The following KCNIP1 variants were observed in gnomAD, a reference collection of about 807,000 sequenced individuals.
The protein encoded by KCNIP1 is A-type potassium channel modulatory protein KCNIP1.
KCNIP1 carries 18 observed loss-of-function variants against 33.0 expected under a neutral mutation model. The observed-to-expected ratio is 0.55, with a 90% CI of 0.38 to 0.81. The LOEUF (loss-of-function observed/expected upper bound fraction) is 0.81, where lower values mean the gene tolerates loss of function less well. Ranked by LOEUF, KCNIP1 falls within the 30% of genes least tolerant of loss-of-function variation. The pLI, the probability that KCNIP1 is intolerant of heterozygous loss-of-function variation, is 0.00. For missense variants in KCNIP1, 238 were observed against 271.6 expected (o/e 0.88, Z 0.87); for synonymous variants, 93 against 98.3 (o/e 0.95, Z 0.32).
intron 1 of KCNIP1, among the ~76,000 whole-genome samples, chr5:170,582,508 C>T (rs908059306): frequency 6.6e-6 from 1 of 152,188 alleles, no homozygotes; most frequent in East Asian, 1.9e-4. Context: ...TATGTTAGAA[C>T]CTTTCCAGGC....
In KCNIP1 at chr5:170,366,324, C is replaced by T. The variant is rs1167677857; in HGVS notation, c.88+12360C>T. ...GGCTCAACAGAGGAGGTGGAGGAGG[C>T]CTCAGACCTGGATGTCGTGGCAGTC... On this transcript the variant is annotated intron_variant, in intron 1 of 7. Transcript: ENST00000377360. Among the ~76,000 whole-genome samples, 3 of 152,216 alleles carry T rather than the reference C, an allele frequency of 2.0e-5. No individual in the cohort carries two copies. The East Asian group carries it at 5.8e-4, about 29-fold the overall frequency.
intron 1 of KCNIP1, chr5:170,422,797 A>G (rs549669531): frequency 6.6e-6 from 1 of 152,358 alleles, no homozygotes; most frequent in South Asian, 2.1e-4. Flanking sequence ...CCCAAAGGAC[A>G]AAGAGTATGC....
chr5:170,682,086 A>G lies in KCNIP1; in HGVS notation c.62-36672A>G, dbSNP rs574156146. Among the ~76,000 whole-genome samples, 7 of 152,388 alleles carry G rather than the reference A, an allele frequency of 4.6e-5. No individual in the cohort carries two copies. The South Asian group carries it at 1.4e-3, about 32-fold the overall frequency. On this transcript the variant is annotated intron_variant, in intron 1 of 7. Coordinates refer to ENST00000328939, the MANE Select transcript of KCNIP1 (RefSeq NM_014592.4). ...GGGGCACCACATGACAAAACCGTAC[A>G]TAATAATGAAATGCATTTGTAGACA...
At chr5:170,590,350 G>T (rs1050068117) in intron 1 of KCNIP1, among the ~76,000 whole-genome samples, 1 of 152,150 alleles carries the variant, frequency 6.6e-6, no homozygotes, top group Non-Finnish European at 1.5e-5. Flanking sequence ...AGGTCTGGGG[G>T]CCCCATGCTG....
chr5:170,662,781 C>T (rs994191641), intron 1 of KCNIP1, among the ~76,000 whole-genome samples: 1 of 152,248 alleles, frequency 6.6e-6, no homozygotes, highest in Admixed American at 6.5e-5. Context: ...ATCCTCCTTT[C>T]CCTCTGGCCC....
intron 1 of KCNIP1, among the ~76,000 whole-genome samples, chr5:170,547,261 A>T (rs1180695910): frequency 6.6e-6 from 1 of 152,024 alleles, no homozygotes; most frequent in Non-Finnish European, 1.5e-5. Flanking sequence ...CATTATTTCC[A>T]TCTTTGTCTC....
chr5:170,665,377 G>A (rs1159479172), intron 1 of KCNIP1, among the ~76,000 whole-genome samples: 2 of 152,044 alleles, frequency 1.3e-5, no homozygotes, highest in South Asian at 2.1e-4. Context: ...TGGGGGTTAA[G>A]CCATTTCTCC....
chr5:170,564,517 A>C (rs1401942883), intron 1 of KCNIP1, among the ~76,000 whole-genome samples: 1 of 152,178 alleles, frequency 6.6e-6, no homozygotes, highest in Non-Finnish European at 1.5e-5. Context: ...CACAGGAAAA[A>C]CAGCTCAGAT....
chr5:170,558,871 G>A (rs1186659700), intron 1 of KCNIP1, among the ~76,000 whole-genome samples: 1 of 152,140 alleles, frequency 6.6e-6, no homozygotes, highest in Non-Finnish European at 1.5e-5. Context: ...ATTGACATAT[G>A]GGACTATATC....
chr5:170,381,367 G>A (rs1009992436), intron 1 of KCNIP1, among the ~76,000 whole-genome samples: 1 of 152,206 alleles, frequency 6.6e-6, no homozygotes, highest in Non-Finnish European at 1.5e-5. Context: ...ACCTGCTCCA[G>A]GCTAAGACTC....
In KCNIP1 at chr5:170,625,237, C is replaced by T. The variant is rs117439503; in HGVS notation, c.62-93521C>T. On this transcript the variant is annotated intron_variant, in intron 1 of 7. Transcript: ENST00000328939. ...CACAAACCCTTGTGCTCCCACAGGGCACACGTGTGCACACGTGTGCAGCTA... is the reference window on the plus strand; with the variant it reads ...CACAAACCCTTGTGCTCCCACAGGGTACACGTGTGCACACGTGTGCAGCTA... Among the ~76,000 whole-genome samples, 142 of 152,210 alleles carry T rather than the reference C, an allele frequency of 9.3e-4. No individual in the cohort carries two copies. In the East Asian group the frequency reaches 0.016, roughly 17 times the overall value.
intron 1 of KCNIP1, among the ~76,000 whole-genome samples, chr5:170,588,716 C>T (rs1758093095): frequency 6.6e-6 from 1 of 152,128 alleles, no homozygotes; most frequent in African/African-American, 2.4e-5. Flanking sequence ...CAAGGCTTCA[C>T]ATGTGTAGGC....
intron 1 of KCNIP1, among the ~76,000 whole-genome samples, chr5:170,516,618 G>T (rs897982458): frequency 6.6e-6 from 1 of 152,180 alleles, no homozygotes; most frequent in African/African-American, 2.4e-5. Flanking sequence ...ATTGTGGCTT[G>T]GTGTGAAAAC....
intron 1 of KCNIP1, among the ~76,000 whole-genome samples, chr5:170,505,487 T>C (rs918756254): frequency 1.3e-5 from 2 of 152,222 alleles, no homozygotes; most frequent in African/African-American, 4.8e-5. Context: ...TTTTGTTTAA[T>C]GTTCAAATGT....
chr5:170,365,308 C>G (rs1561585678), intron 1 of KCNIP1, among the ~76,000 whole-genome samples: 1 of 152,174 alleles, frequency 6.6e-6, no homozygotes, highest in Non-Finnish European at 1.5e-5. Context: ...TTTAAAGGTT[C>G]CAGTTCTGTA....
chr5:170,618,950 T>A (rs1378158350), intron 1 of KCNIP1, among the ~76,000 whole-genome samples: 1 of 152,142 alleles, frequency 6.6e-6, no homozygotes, highest in Non-Finnish European at 1.5e-5. Context: ...ACTGTCTAGA[T>A]CTGGGGACCC....
chr5:170,615,349 A>G (rs1484020174), intron 1 of KCNIP1, among the ~76,000 whole-genome samples: 1 of 152,162 alleles, frequency 6.6e-6, no homozygotes, highest in East Asian at 1.9e-4. Context: ...AAAGCACCAA[A>G]CAGTTTCATT....
intron 1 of KCNIP1, among the ~76,000 whole-genome samples, chr5:170,572,580 C>G (rs1417071526): frequency 6.6e-6 from 1 of 152,212 alleles, no homozygotes; most frequent in African/African-American, 2.4e-5. Flanking sequence ...CCTGTTTCCT[C>G]TCTGCCATAG....
chr5:170,570,537 C>G (rs958963099), intron 1 of KCNIP1, among the ~76,000 whole-genome samples: 2 of 152,218 alleles, frequency 1.3e-5, no homozygotes, highest in African/African-American at 4.8e-5. Flanking sequence ...GCTCTCACCC[C>G]TTGTTCCAAA....
Sources: allele counts gnomAD v4.1 joint callset (sites outside exome capture counted in the v4.1 genomes callset), GRCh38; gene constraint gnomAD v4.1.1; transcripts MANE v1.5; gene names NCBI Gene and HGNC (gene_info 2026-07-23, HGNC 2026-07-21).